HEMK2: variants seen among roughly 807,000 people sequenced by gnomAD.
HEMK2 encodes HemK methyltransferase 2, ETF1 glutamine and histone H4 lysine.
the HEMK2 span, among the ~76,000 whole-genome samples, chr21:28,725,432 G>C: frequency 6.6e-6 from 1 of 152,148 alleles, no homozygotes; most frequent in Non-Finnish European, 1.5e-5. Flanking sequence ...TCATGAGACA[G>C]GTAATCACTG....
At chr21:28,813,869 G>A in the HEMK2 span, among the ~76,000 whole-genome samples, 1 of 152,138 alleles carries the variant, frequency 6.6e-6, no homozygotes, top group Non-Finnish European at 1.5e-5. Flanking sequence ...AAACTGGCTA[G>A]CCATATACAG....
the HEMK2 span, among the ~76,000 whole-genome samples, chr21:28,718,865 A>C: frequency 6.6e-6 from 1 of 152,208 alleles, no homozygotes; most frequent in Non-Finnish European, 1.5e-5. Flanking sequence ...ATAAGACAAA[A>C]GAGTAGATGA....
At chr21:28,712,055 C>T in the HEMK2 span, among the ~76,000 whole-genome samples, 1 of 152,156 alleles carries the variant, frequency 6.6e-6, no homozygotes, top group African/African-American at 2.4e-5. Context: ...GATTACATTT[C>T]AACACAGGAA....
chr21:28,778,390 A>G, the HEMK2 span, among the ~76,000 whole-genome samples: 1 of 152,222 alleles, frequency 6.6e-6, no homozygotes, highest in Non-Finnish European at 1.5e-5. Flanking sequence ...TTTTATACAC[A>G]TTCATCAACA....
At chr21:28,576,931 G>A in the HEMK2 span, among the ~76,000 whole-genome samples, 1 of 152,050 alleles carries the variant, frequency 6.6e-6, no homozygotes, top group Non-Finnish European at 1.5e-5. Context: ...GGCTGGTCTC[G>A]AACTCCTGAC....
the HEMK2 span, among the ~76,000 whole-genome samples, chr21:28,625,287 G>C: frequency 6.6e-6 from 1 of 152,170 alleles, no homozygotes; most frequent in Non-Finnish European, 1.5e-5. Context: ...GCTAGCTATT[G>C]CAAAAGATAC....
chr21:28,834,195 G>A, the HEMK2 span, among the ~76,000 whole-genome samples: 1 of 152,188 alleles, frequency 6.6e-6, no homozygotes, highest in Non-Finnish European at 1.5e-5. Context: ...ACAGAGCAGT[G>A]TGCAAGGTCT....
At chr21:28,834,267 C>A in the HEMK2 span, among the ~76,000 whole-genome samples, 10 of 152,200 alleles carry the variant, frequency 6.6e-5, no homozygotes, top group Non-Finnish European at 1.3e-4. Flanking sequence ...TGAGAGGACC[C>A]ACAGACCCTC....
the HEMK2 span, among the ~76,000 whole-genome samples, chr21:28,860,785 C>T: frequency 1.3e-5 from 2 of 152,116 alleles, no homozygotes; most frequent in African/African-American, 4.8e-5. Flanking sequence ...GTGGAAGGAA[C>T]ATGGAGTTGG....
chr21:28,860,318 C>G, the HEMK2 span, among the ~76,000 whole-genome samples: 1 of 151,866 alleles, frequency 6.6e-6, no homozygotes, highest in African/African-American at 2.4e-5. Flanking sequence ...TGCTTCCTGT[C>G]CTGGAACACT....
At chr21:28,642,386 G>A in the HEMK2 span, among the ~76,000 whole-genome samples, 44 of 152,160 alleles carry the variant, frequency 2.9e-4, no homozygotes, top group Non-Finnish European at 5.0e-4. Context: ...AAGTAAGTGT[G>A]GGAACCGGAG....
At chr21:28,860,023 CAT>C in the HEMK2 span, among the ~76,000 whole-genome samples, 2 of 152,096 alleles carry the variant, frequency 1.3e-5, no homozygotes, top group African/African-American at 4.8e-5. Context: ...GATCTCAGCA[CAT>C]GTGTATAGGC....
the HEMK2 span, among the ~76,000 whole-genome samples, chr21:28,879,589 T>C: frequency 6.6e-6 from 1 of 152,254 alleles, no homozygotes; most frequent in South Asian, 2.1e-4. Flanking sequence ...AAAGGATACA[T>C]GTAATATATA....
the HEMK2 span, among the ~76,000 whole-genome samples, chr21:28,819,702 C>A: frequency 4.6e-5 from 7 of 151,832 alleles, no homozygotes; most frequent in Non-Finnish European, 5.9e-5. Context: ...GCGGGTGCCA[C>A]CATGCCTGGC....
the HEMK2 span, among the ~76,000 whole-genome samples, chr21:28,881,918 G>T: frequency 2.0e-5 from 3 of 152,142 alleles, no homozygotes; most frequent in African/African-American, 7.2e-5. Context: ...GATTAAAGGC[G>T]TGAGCCTTTG....
chr21:28,879,049 ATCTTTAGATCCTTATC>A, the HEMK2 span, among the ~76,000 whole-genome samples: 1 of 148,166 alleles, frequency 6.7e-6, no homozygotes, highest in African/African-American at 2.5e-5. Context: ...ATATTAAAAA[ATCTTTAGATCCTTATC>A]ATTGTAGATT....
the HEMK2 span, among the ~76,000 whole-genome samples, chr21:28,772,857 CTTTAATTAAAGT>C: frequency 6.6e-6 from 1 of 150,516 alleles, no homozygotes; most frequent in Non-Finnish European, 1.5e-5. Context: ...TGTCTTTCTT[CTTTAATTAAAGT>C]AATTAAAGTA....
the HEMK2 span, among the ~76,000 whole-genome samples, chr21:28,833,049 G>C: frequency 3.9e-5 from 6 of 152,206 alleles, no homozygotes; most frequent in African/African-American, 1.4e-4. Flanking sequence ...CTCAGAAAAG[G>C]TGAGTGACTT....
the HEMK2 span, among the ~76,000 whole-genome samples, chr21:28,758,573 AAGTT>A: frequency 6.6e-6 from 1 of 152,208 alleles, no homozygotes; most frequent in African/African-American, 2.4e-5. Context: ...GGAGAAAACT[AAGTT>A]AGGAAGGGCA....
Sources: gnomAD v4.1 joint callset for allele counts (sites outside exome capture counted in the v4.1 genomes callset) on GRCh38, gnomAD v4.1.1 for gene constraint, MANE v1.5 for transcripts, NCBI Gene and HGNC (gene_info 2026-07-23, HGNC 2026-07-21) for gene names.